SH2D4B: variants seen among roughly 807,000 people sequenced by gnomAD.
The protein encoded by SH2D4B is SH2 domain-containing protein 4B.
A neutral mutation model predicts 61.5 loss-of-function variants in SH2D4B; 45 were observed. The ratio of observed to expected loss-of-function variants is 0.73; its 90% confidence interval spans 0.58 to 0.94. The LOEUF (loss-of-function observed/expected upper bound fraction) is 0.94, where lower values mean the gene tolerates loss of function less well. SH2D4B is among the 40% of genes least tolerant of loss of function. SH2D4B has a pLI of 0.00. For synonymous variants in SH2D4B, 224 were observed against 220.4 expected (o/e 1.02, Z -0.14); for missense variants, 572 against 574.2 (o/e 1.00, Z 0.04).
At chr10:80,593,571 G>C (rs1308568821) in intron 4 of SH2D4B, among the ~76,000 whole-genome samples, 1 of 152,086 alleles carries the variant, frequency 6.6e-6, no homozygotes, top group Non-Finnish European at 1.5e-5. Flanking sequence ...TACTAGCCTT[G>C]TTTATTAGCT....
intron 6 of SH2D4B, among the ~76,000 whole-genome samples, chr10:80,633,622 G>A (rs1842858666): frequency 6.6e-6 from 1 of 152,162 alleles, no homozygotes; most frequent in African/African-American, 2.4e-5. Flanking sequence ...TCAGGGGATT[G>A]CTACCAGCAT....
chr10:80,604,804 C>A (rs189560361), intron 5 of SH2D4B, among the ~76,000 whole-genome samples: 320 of 111,842 alleles, frequency 2.9e-3, no homozygotes, highest in African/African-American at 0.011. Flanking sequence ...TTTTTTTTTT[C>A]TTTTTTTGAG....
chr10:80,538,684 C>G lies in SH2D4B; in HGVS notation c.184+169C>G, dbSNP rs1342178733. Among the ~76,000 whole-genome samples the G allele has an allele frequency of 6.6e-6, 1 of 152,180 alleles. No individual in the cohort carries two copies. The highest frequency in any genetic ancestry group is 1.5e-5 in the Non-Finnish European group (1 of 68,032). On this transcript the variant is annotated intron_variant, in intron 1 of 7. Coordinates refer to ENST00000646907, the MANE Select transcript of SH2D4B (RefSeq NM_001388272.1). The surrounding 1 kb of genome is among the most constrained non-coding windows in gnomAD (Gnocchi z 4.8). ...AGGTCCCATGAGCCTGTGCTTTTGCCTTTTGGCCAGGACCTTAGGGCTTCG... is the reference window on the plus strand; with the variant it reads ...AGGTCCCATGAGCCTGTGCTTTTGCGTTTTGGCCAGGACCTTAGGGCTTCG...
At chr10:80,572,594 T>C (rs1342076259) in intron 3 of SH2D4B, among the ~76,000 whole-genome samples, 1 of 151,946 alleles carries the variant, frequency 6.6e-6, no homozygotes, top group African/African-American at 2.4e-5. Context: ...GGCCTTGCCT[T>C]GCCTTCCCTC....
chr10:80,563,307 T>C (rs1841930037), intron 1 of SH2D4B, among the ~76,000 whole-genome samples: 2 of 152,246 alleles, frequency 1.3e-5, no homozygotes, highest in South Asian at 4.1e-4. Flanking sequence ...ATTTGTTTTC[T>C]TCTGTTGAGT....
chr10:80,562,900 T>C (rs908197437), intron 1 of SH2D4B, among the ~76,000 whole-genome samples: 33 of 125,150 alleles, frequency 2.6e-4, no homozygotes, highest in African/African-American at 7.0e-4. Context: ...TTTTCTTTTT[T>C]TTTTTTTTTT....
chr10:80,588,854 A>T, intron 4 of SH2D4B, 77 bp downstream of exon 4: 1 of 1,554,028 alleles, frequency 6.4e-7, no homozygotes, highest in Non-Finnish European at 8.8e-7. Context: ...TGATGTACTC[A>T]TTCGTCATTT....
chr10:80,607,080 A>G lies in SH2D4B; in HGVS notation c.861-2344A>G, dbSNP rs551903087. Among the ~76,000 whole-genome samples the G allele has an allele frequency of 1.9e-4, 29 of 152,360 alleles. No individual in the cohort carries two copies. In the South Asian group the frequency reaches 4.6e-3, roughly 24 times the overall value. On this transcript the variant is annotated intron_variant, in intron 5 of 7. Coordinates refer to ENST00000646907, the MANE Select transcript of SH2D4B (RefSeq NM_001388272.1). The stretch of plus-strand genomic sequence containing the variant: ...TAGAATGATCAAAATTTTAAGGTAT[A>G]TAAATGTAGCATTTATATTCTGGGG...
intron 1 of SH2D4B, among the ~76,000 whole-genome samples, chr10:80,555,063 T>A (rs1841813323): frequency 1.4e-5 from 2 of 144,674 alleles, no homozygotes; most frequent in African/African-American, 2.6e-5. Context: ...CCTAAGCAAC[T>A]AGGCACTATA....
chr10:80,546,526 ATTT>A (rs61475653), intron 1 of SH2D4B, among the ~76,000 whole-genome samples: 21,173 of 138,286 alleles, frequency 0.15, 1,527 homozygotes, highest in African/African-American at 0.2. Flanking sequence ...AGCATACGGT[ATTT>A]TTTTTTTTTT....
chr10:80,560,010 C>T (rs1386582905), intron 1 of SH2D4B, among the ~76,000 whole-genome samples: 8 of 112,602 alleles, frequency 7.1e-5, no homozygotes, highest in Non-Finnish European at 6.7e-5. Context: ...TTTTTTGAGA[C>T]GGGGTCTGGC....
intron 3 of SH2D4B, among the ~76,000 whole-genome samples, chr10:80,586,703 C>A (rs527856514): frequency 1.3e-5 from 2 of 152,166 alleles, no homozygotes; most frequent in Non-Finnish European, 2.9e-5. Context: ...CAGGCTGCCC[C>A]GAGCCAGCAG....
intron 1 of SH2D4B, 98 bp from the exon 2 acceptor site, chr10:80,570,056 A>G (rs755632638): frequency 6.3e-6 from 9 of 1,421,098 alleles, no homozygotes; most frequent in Non-Finnish European, 8.8e-6. Flanking sequence ...ACAATGTTCC[A>G]TAGAGTGATG....
At chr10:80,597,929 G>A (rs1842403503) in intron 4 of SH2D4B, among the ~76,000 whole-genome samples, 1 of 152,320 alleles carries the variant, frequency 6.6e-6, no homozygotes, top group South Asian at 2.1e-4. Flanking sequence ...AGGCTTGAAA[G>A]ATAAGATGAG....
chr10:80,577,813 C>T (rs970723565), intron 3 of SH2D4B, among the ~76,000 whole-genome samples: 36 of 152,062 alleles, frequency 2.4e-4, no homozygotes, highest in East Asian at 1.2e-3. Context: ...CTGCCTGCCT[C>T]GGCCTCCCAA....
chr10:80,578,958 A>G (rs939492834), intron 3 of SH2D4B, among the ~76,000 whole-genome samples: 2 of 152,218 alleles, frequency 1.3e-5, no homozygotes, highest in Non-Finnish European at 2.9e-5. Flanking sequence ...AAAGACATCC[A>G]AGTCCCAAGC....
intron 7 of SH2D4B, among the ~76,000 whole-genome samples, chr10:80,639,483 A>T (rs370897532): frequency 2.8e-4 from 43 of 152,168 alleles, no homozygotes; most frequent in Non-Finnish European, 4.6e-4. Flanking sequence ...GGTGCATATA[A>T]ATTTAGGATA....
At chr10:80,560,975 G>C (rs1176509591) in intron 1 of SH2D4B, among the ~76,000 whole-genome samples, 2 of 152,038 alleles carry the variant, frequency 1.3e-5, no homozygotes, top group African/African-American at 2.4e-5. Context: ...AATCAATGAT[G>C]GTTTCATTCC....
Position 80,603,691 on chromosome 10 carries a change from C to T in SH2D4B, c.756C>T (p.Leu252=), listed in dbSNP as rs1159247983. Reference sequence around the variant, plus strand: ...TCCAGAAGGGCACGGTCGCTGGCCTCAGCTCCATGTTCCGGGAGCTTGGCC... The same window carrying T: ...TCCAGAAGGGCACGGTCGCTGGCCTTAGCTCCATGTTCCGGGAGCTTGGCC... The part of the protein sequence containing the change: ...RAIQKGTVAG[L]SSMFRELGQS... The change falls in exon 5 of 8, where the codon CTC becomes CTT. Residue 252 remains leucine (L), a synonymous_variant. Transcript: ENST00000646907. 1 of 1,613,106 alleles carries T rather than the reference C, an allele frequency of 6.2e-7. No homozygotes were observed. Among genetic ancestry groups the T allele is most frequent in the Admixed American group, 1.7e-5 (1 of 59,954 alleles).
Sources: gnomAD v4.1 joint callset for allele counts (sites outside exome capture counted in the v4.1 genomes callset) on GRCh38, gnomAD v4.1.1 for gene constraint, Gnocchi (gnomAD v3.1) non-coding constraint, MANE v1.5 for transcripts, NCBI Gene and HGNC (gene_info 2026-07-23, HGNC 2026-07-21) for gene names.